DST: variants seen among roughly 807,000 people sequenced by gnomAD.
The protein encoded by DST is dystonin.
A neutral mutation model predicts 875.2 loss-of-function variants in DST; 253 were observed. That is an observed-to-expected ratio of 0.29 (90% CI 0.26 to 0.32). The LOEUF is 0.32. DST is among the 10% of genes least tolerant of loss of function. The probability of loss-of-function intolerance (pLI) is 1.00; values close to 1 mark genes in which losing one functional copy is unlikely to be tolerated. For missense variants in DST, 8,287 were observed against 9,111.6 expected, an observed-to-expected ratio of 0.91 and a Z score of 3.68; for synonymous variants, 3,124 against 3,197.1, an observed-to-expected ratio of 0.98 and a Z score of 0.77.
At chr6:56,767,643 AAATAAATAAAT>A (rs2099637290) in intron 4 of DST, among the ~76,000 whole-genome samples, 1 of 150,922 alleles carries the variant, frequency 6.6e-6, no homozygotes, top group Admixed American at 6.6e-5. Flanking sequence ...ATAAATAAAT[AAATAAATAAAT>A]AAAACAAATA....
At chr6:56,938,127 T>C (rs1192642565) in intron 2 of DST, among the ~76,000 whole-genome samples, 1 of 144,898 alleles carries the variant, frequency 6.9e-6, no homozygotes, top group African/African-American at 2.5e-5. Flanking sequence ...TATATATATA[T>C]ATATGTTTAA....
intron 87 of DST, 93 bp downstream of exon 87, chr6:56,487,011 T>G: frequency 8.0e-7 from 1 of 1,250,846 alleles, no homozygotes; most frequent in Non-Finnish European, 1.1e-6. Context: ...AAAGGAAATA[T>G]TTAAGGTTCC....
At chr6:56,779,870 C>A (rs563281519) in intron 4 of DST, among the ~76,000 whole-genome samples, 1 of 104,410 alleles carries the variant, frequency 9.6e-6, no homozygotes, top group African/African-American at 3.7e-5. Flanking sequence ...TGCTATCCCT[C>A]CCCCCTCCCC....
intron 50 of DST, among the ~76,000 whole-genome samples, chr6:56,576,044 G>A (rs752972599): frequency 6.6e-6 from 1 of 152,152 alleles, no homozygotes; most frequent in Non-Finnish European, 1.5e-5. Flanking sequence ...GAGGGAAGAG[G>A]GGCTGAAGAT....
intron 5 of DST, among the ~76,000 whole-genome samples, chr6:56,723,737 A>T (rs1401250569): frequency 6.6e-6 from 1 of 152,190 alleles, no homozygotes; most frequent in Non-Finnish European, 1.5e-5. Context: ...ATTAATAGAT[A>T]CTCTTTGACA....
At chr6:56,926,203 C>T (rs949770749) in intron 2 of DST, among the ~76,000 whole-genome samples, 1 of 152,060 alleles carries the variant, frequency 6.6e-6, no homozygotes, top group Non-Finnish European at 1.5e-5. Context: ...CCTACAGAGT[C>T]CATTTACCCA....
At chr6:56,911,412 T>C (rs541315707) in intron 2 of DST, among the ~76,000 whole-genome samples, 4 of 152,272 alleles carry the variant, frequency 2.6e-5, no homozygotes, top group African/African-American at 9.6e-5. Flanking sequence ...GAAGGATTCA[T>C]GGAAACTGTG....
chr6:56,469,571 C>A (rs1430807450), intron 97 of DST, among the ~76,000 whole-genome samples: 1 of 151,936 alleles, frequency 6.6e-6, no homozygotes, highest in East Asian at 1.9e-4. Flanking sequence ...TGAAAACTTA[C>A]CTCTAATCAT....
chr6:56,954,200 T>A (rs1823999192), intron 1 of DST, among the ~76,000 whole-genome samples: 1 of 152,094 alleles, frequency 6.6e-6, no homozygotes, highest in Non-Finnish European at 1.5e-5. Flanking sequence ...GCCCTCGGCA[T>A]CGCCGTGGTT....
intron 27 of DST, 74 bp from the exon 28 acceptor site, chr6:56,633,111 C>T: frequency 8.3e-7 from 1 of 1,206,798 alleles, no homozygotes; most frequent in South Asian, 1.2e-5. Context: ...TCAAACTGGT[C>T]GTGTGGTATA....
chr6:56,873,830 T>C (rs566153623), intron 3 of DST, among the ~76,000 whole-genome samples: 64 of 152,288 alleles, frequency 4.2e-4, no homozygotes, highest in African/African-American at 1.5e-3. Context: ...TACTTTATTG[T>C]ATAGCTCTAA....
chr6:56,902,779 T>C lies in DST; in HGVS notation c.217-2158A>G, dbSNP rs541705298. 1.6e-4 allele frequency among the ~76,000 whole-genome samples: 24 copies of C among 152,302 alleles called. No individual in the cohort carries two copies. In the South Asian group the frequency reaches 5.0e-3, roughly 32 times the overall value. Reference sequence around the variant, plus strand: ...CTACAGCAGCTGCTGGAGAAGAGGATTAAGGAGAAGAGGGAACTGGGCCAA... The same window carrying C: ...CTACAGCAGCTGCTGGAGAAGAGGACTAAGGAGAAGAGGGAACTGGGCCAA... On this transcript the variant is annotated intron_variant, in intron 2 of 103. Coordinates refer to ENST00000680361, the MANE Select transcript of DST (RefSeq NM_001374736.1).
At chr6:56,824,664 T>G (rs1414083665) in intron 4 of DST, among the ~76,000 whole-genome samples, 3 of 151,430 alleles carry the variant, frequency 2.0e-5, no homozygotes, top group African/African-American at 7.3e-5. Flanking sequence ...CGCGACCCCG[T>G]CTGGGAGGTG....
chr6:56,535,920 T>C (rs1300003253), intron 62 of DST, among the ~76,000 whole-genome samples: 1 of 152,208 alleles, frequency 6.6e-6, no homozygotes. Flanking sequence ...TGGCAAGATA[T>C]TGTAAGTGCT....
At chr6:56,911,542 G>C (rs1394696926) in intron 2 of DST, among the ~76,000 whole-genome samples, 1 of 152,144 alleles carries the variant, frequency 6.6e-6, no homozygotes, top group African/African-American at 2.4e-5. Flanking sequence ...GCTACTGCAG[G>C]GAGTGAGGCC....
Position 56,608,877 on chromosome 6 carries a change from G to C in DST, c.5751C>G (p.Cys1917Trp). The change falls in exon 40 of 104, where the codon TGC becomes TGG. Residue 1917 changes from cysteine to tryptophan, a missense_variant. By Grantham distance (215) the Cys-to-Trp change is radical. Transcript: ENST00000680361. ...FSKVLERQNM[C>W]KDLIDPCTSE... ...AGGTGCAGGGGTCAATAAGATCTTT[G>C]CACATATTTTGCCTTTCCAGAACTT... 6.2e-7 allele frequency: 1 copy of C among 1,613,614 alleles called. No homozygotes were observed. Among genetic ancestry groups the C allele is most frequent in the Non-Finnish European group, 8.5e-7 (1 of 1,179,758 alleles).
chr6:56,493,704 A>C (rs1471999239), intron 83 of DST, among the ~76,000 whole-genome samples: 1 of 152,108 alleles, frequency 6.6e-6, no homozygotes, highest in Admixed American at 6.6e-5. Flanking sequence ...AATTAGATTA[A>C]AATAGAATTA....
rs961889286 is a variant in DST at position 56,906,482 on chromosome 6, A to G, written c.217-5861T>C. ...TCCCTTCTCTGCCAGCCACGTGTAC[A>G]GTAAGAAGAAGACAAAATGGTGCTG... On this transcript the variant is annotated intron_variant, in intron 2 of 103. Transcript: ENST00000680361. Among the ~76,000 whole-genome samples, 4 of 152,192 alleles carry G rather than the reference A, an allele frequency of 2.6e-5. No individual in the cohort carries two copies. In the East Asian group the frequency reaches 7.7e-4, roughly 29 times the overall value.
intron 9 of DST, among the ~76,000 whole-genome samples, chr6:56,687,370 C>A (rs979489480): frequency 1.3e-5 from 2 of 152,112 alleles, no homozygotes; most frequent in South Asian, 4.1e-4. Flanking sequence ...ACCTTAACAT[C>A]GGTAGGAAGA....
Sources: gnomAD v4.1 joint callset for allele counts (sites outside exome capture counted in the v4.1 genomes callset) on GRCh38, gnomAD v4.1.1 for gene constraint, MANE v1.5 for transcripts, NCBI Gene and HGNC (gene_info 2026-07-23, HGNC 2026-07-21) for gene names.